Variants in TBC1D22A observed in about 807,000 individuals in gnomAD.
TBC1D22A encodes TBC1 domain family member 22A, also known as putative GTPase activator.
A neutral mutation model predicts 60.2 loss-of-function variants in TBC1D22A; 38 were observed. The observed-to-expected ratio is 0.63, with a 90% confidence interval of 0.49 to 0.83. TBC1D22A has a LOEUF of 0.83. Among genes scored for constraint, TBC1D22A ranks in the 40% least tolerant of loss-of-function variants. TBC1D22A has a pLI of 0.00. For missense variants in TBC1D22A, 628 were observed against 701.0 expected, an observed-to-expected ratio of 0.90 and a Z score of 1.18; for synonymous variants, 302 against 281.7, an observed-to-expected ratio of 1.07 and a Z score of -0.72.
At position 46,965,898 on chromosome 22, in the gene TBC1D22A, C is replaced by T. The variant is rs547341473; in HGVS notation, c.1016-8392C>T. On this transcript the variant is annotated intron_variant, in intron 8 of 12. Coordinates refer to ENST00000337137, the MANE Select transcript of TBC1D22A (RefSeq NM_014346.5). Reference sequence around the variant, plus strand: ...GGCCCCAGGTGGCAGCATCTCCACCCGCCTGTGCCCACCTCGTTTCCACAG... The same window carrying T: ...GGCCCCAGGTGGCAGCATCTCCACCTGCCTGTGCCCACCTCGTTTCCACAG... Among the ~76,000 whole-genome samples, 473 of 152,316 alleles carry T rather than the reference C, an allele frequency of 3.1e-3. 3 individuals are homozygous for T. Among genetic ancestry groups the T allele is most frequent in the African/African-American group, 0.011 (456 of 41,572 alleles).
intron 4 of TBC1D22A, among the ~76,000 whole-genome samples, chr22:46,798,638 G>A (rs1049017633): frequency 6.6e-6 from 1 of 152,246 alleles, no homozygotes; most frequent in Non-Finnish European, 1.5e-5. Context: ...TTTGCTAGAC[G>A]CTGGAGCTCT....
At chr22:46,798,944 C>T (rs960453065) in intron 4 of TBC1D22A, among the ~76,000 whole-genome samples, 11 of 152,114 alleles carry the variant, frequency 7.2e-5, no homozygotes, top group South Asian at 4.1e-4. Context: ...GCTGTGTTCT[C>T]GAGGCGGGGG....
At chr22:46,834,195 G>GT (rs1206587722) in intron 4 of TBC1D22A, among the ~76,000 whole-genome samples, 2 of 152,114 alleles carry the variant, frequency 1.3e-5, no homozygotes, top group Non-Finnish European at 2.9e-5. Flanking sequence ...AGACTCAAGG[G>GT]TATAAGGAAA....
intron 12 of TBC1D22A, among the ~76,000 whole-genome samples, chr22:47,159,180 CACA>C (rs1033249901): frequency 4.6e-5 from 7 of 151,122 alleles, no homozygotes; most frequent in African/African-American, 7.3e-5. Flanking sequence ...ATACTACACA[CACA>C]ACACACACCA....
intron 4 of TBC1D22A, among the ~76,000 whole-genome samples, chr22:46,868,623 G>A (rs189400739): frequency 1.3e-5 from 2 of 152,210 alleles, no homozygotes; most frequent in Admixed American, 6.5e-5. Context: ...GGCTGTCATT[G>A]TACCTCTTGG....
rs147468810 is a variant in TBC1D22A, at chr22:46,778,116, C to T, written c.63-14404C>T. Among the ~76,000 whole-genome samples the T allele has an allele frequency of 1.5e-3, 233 of 151,698 alleles. 1 individual carries two copies. Among genetic ancestry groups the T allele is most frequent in the African/African-American group, 5.2e-3 (216 of 41,354 alleles). On this transcript the variant is annotated intron_variant, in intron 1 of 12. Coordinates refer to ENST00000337137, the MANE Select transcript of TBC1D22A (RefSeq NM_014346.5). ...GCATACTCGTGTAGGGCAGCTGGTG[C>T]GATTGGCGCTCACGGGACTGGACGG...
At chr22:47,083,842 C>T (rs1384589099) in intron 11 of TBC1D22A, among the ~76,000 whole-genome samples, 1 of 152,162 alleles carries the variant, frequency 6.6e-6, no homozygotes, top group Non-Finnish European at 1.5e-5. Flanking sequence ...CTACTGCACG[C>T]CCACCAGAAT....
intron 12 of TBC1D22A, among the ~76,000 whole-genome samples, chr22:47,150,853 C>T (rs368922089): frequency 1.3e-5 from 2 of 152,220 alleles, no homozygotes; most frequent in African/African-American, 4.8e-5. Context: ...CTAGAGACCT[C>T]CGCCCCCACC....
chr22:47,039,268 T>A (rs1200244367), intron 11 of TBC1D22A, among the ~76,000 whole-genome samples: 1 of 152,212 alleles, frequency 6.6e-6, no homozygotes, highest in Non-Finnish European at 1.5e-5. Context: ...GAACTGATAG[T>A]ACCCTGGTTA....
intron 12 of TBC1D22A, among the ~76,000 whole-genome samples, chr22:47,124,607 C>T (rs897340739): frequency 1.3e-5 from 2 of 152,152 alleles, no homozygotes; most frequent in Non-Finnish European, 2.9e-5. Flanking sequence ...CAGCTGGGCA[C>T]GGGGTGCTGC....
chr22:46,958,225 A>G (rs1459466128), intron 8 of TBC1D22A, among the ~76,000 whole-genome samples: 1 of 152,032 alleles, frequency 6.6e-6, no homozygotes, highest in Non-Finnish European at 1.5e-5. Context: ...GTTTCGTAGA[A>G]CCAGGGAGGT....
At chr22:46,854,039 CTT>C (rs1469108424) in intron 4 of TBC1D22A, among the ~76,000 whole-genome samples, 3 of 152,190 alleles carry the variant, frequency 2.0e-5, no homozygotes, top group Non-Finnish European at 2.9e-5. Context: ...TGAGTGGACT[CTT>C]TCTCCTTCAC....
chr22:47,004,923 C>T (rs1317066128), intron 10 of TBC1D22A, among the ~76,000 whole-genome samples: 1 of 151,854 alleles, frequency 6.6e-6, no homozygotes, highest in African/African-American at 2.4e-5. Context: ...TATACACATA[C>T]ACCTACATAC....
At chr22:47,057,597 G>T (rs1222474300) in intron 11 of TBC1D22A, among the ~76,000 whole-genome samples, 1 of 152,222 alleles carries the variant, frequency 6.6e-6, no homozygotes, top group Non-Finnish European at 1.5e-5. Flanking sequence ...GGCTGGGGAG[G>T]CCTCACAATC....
At chr22:46,766,086 C>G (rs1224233157) in intron 1 of TBC1D22A, among the ~76,000 whole-genome samples, 1 of 151,910 alleles carries the variant, frequency 6.6e-6, no homozygotes, top group Non-Finnish European at 1.5e-5. Context: ...CAAGCTCCGC[C>G]TCCCGGGTTC....
At position 47,057,679 on chromosome 22, in the gene TBC1D22A, C is replaced by T. The variant is rs189007575; in HGVS notation, c.1329+20481C>T. Among the ~76,000 whole-genome samples the T allele has an allele frequency of 3.7e-4, 56 of 152,260 alleles. 1 individual carries two copies. The Middle Eastern group carries it at 0.02, about 55-fold the overall frequency. ...AGGCAAGAGGGCGTGTGCAGGGAGC[C>T]GCCCTTTATAAAACCGTCAGATCTC... On this transcript the variant is annotated intron_variant, in intron 11 of 12. Transcript: ENST00000337137.
At chr22:47,030,968 G>A (rs2062453036) in intron 10 of TBC1D22A, among the ~76,000 whole-genome samples, 1 of 152,222 alleles carries the variant, frequency 6.6e-6, no homozygotes, top group East Asian at 1.9e-4. Flanking sequence ...TGCCAGAGAA[G>A]CCACGGAGTC....
intron 10 of TBC1D22A, among the ~76,000 whole-genome samples, chr22:47,003,699 CCTACACACATGCCTGTATACACACACT>C (rs2061476448): frequency 6.2e-5 from 7 of 113,722 alleles, no homozygotes; most frequent in African/African-American, 2.4e-4. Flanking sequence ...ATACACACAC[CCTACACACATGCCTGTATACACACACT>C]CTACACACAC....
chr22:47,043,865 C>T (rs563454827), intron 11 of TBC1D22A, among the ~76,000 whole-genome samples: 3 of 104,186 alleles, frequency 2.9e-5, no homozygotes, highest in East Asian at 3.0e-4. Context: ...AGGGCAGGTC[C>T]GAGGCTGCCA....
Sources: allele counts gnomAD v4.1 joint callset (sites outside exome capture counted in the v4.1 genomes callset), GRCh38; gene constraint gnomAD v4.1.1; transcripts MANE v1.5; gene names NCBI Gene and HGNC (gene_info 2026-07-23, HGNC 2026-07-21).